The following NCKAP5 variants were observed in gnomAD, a reference collection of about 807,000 sequenced individuals.
NCKAP5 encodes nck-associated protein 5.
In NCKAP5, 92 loss-of-function variants were observed where a neutral mutation model predicts 167.0. The observed-to-expected ratio is 0.55, with a 90% CI of 0.47 to 0.66. NCKAP5 has a LOEUF of 0.66. Among genes scored for constraint, NCKAP5 ranks in the 30% least tolerant of loss-of-function variants. NCKAP5 has a pLI of 0.00. For missense variants in NCKAP5, 2,378 were observed against 2,315.0 expected, an observed-to-expected ratio of 1.03 and a Z score of -0.56; for synonymous variants, 891 against 877.4, an observed-to-expected ratio of 1.02 and a Z score of -0.27.
intron 3 of NCKAP5, among the ~76,000 whole-genome samples, chr2:133,464,446 T>TA (rs1264719998): frequency 2.1e-3 from 1 of 474 alleles, no homozygotes; most frequent in Non-Finnish European, 5.3e-3. Context: ...ATCCCAGCCC[T>TA]TTGGGGGCCA....
At chr2:133,005,263 G>A (rs940026382) in intron 6 of NCKAP5, among the ~76,000 whole-genome samples, 1 of 152,160 alleles carries the variant, frequency 6.6e-6, no homozygotes, top group African/African-American at 2.4e-5. Flanking sequence ...TTCAGAGATT[G>A]CCATAAAGAC....
intron 11 of NCKAP5, among the ~76,000 whole-genome samples, chr2:132,798,954 C>T (rs561780691): frequency 4.6e-5 from 7 of 152,292 alleles, no homozygotes; most frequent in African/African-American, 1.4e-4. Flanking sequence ...CAAGCACACA[C>T]ATGTTCATTG....
chr2:133,137,910 G>A (rs558642199), intron 5 of NCKAP5, among the ~76,000 whole-genome samples: 5 of 152,328 alleles, frequency 3.3e-5, no homozygotes, highest in Admixed American at 6.5e-5. Context: ...TATTCCTGAC[G>A]CAAGTCCTGC....
chr2:132,994,159 A>T lies in NCKAP5; in HGVS notation c.422T>A (p.Val141Asp). Reference protein sequence around the residue: ...QKKEETVNIMVYQEKLSEEER... With the variant: ...QKKEETVNIMDYQEKLSEEER... ...ATAATAAACATGGTGTACCTGATAG[A>T]CCATTATATTAACAGTTTCTTCTTT... The change falls in exon 7 of 20, where the codon GTC becomes GAC. Residue 141 changes from valine to aspartate, a missense_variant. Transcript: ENST00000409261. The T allele has an allele frequency of 6.4e-7, 1 of 1,570,870 alleles. No homozygotes were observed. Among genetic ancestry groups the T allele is most frequent in the South Asian group, 1.2e-5 (1 of 85,440 alleles).
chr2:133,262,709 AT>A (rs1324748219), intron 4 of NCKAP5, among the ~76,000 whole-genome samples: 1 of 152,198 alleles, frequency 6.6e-6, no homozygotes, highest in Non-Finnish European at 1.5e-5. Context: ...AACCACCCAC[AT>A]TCTTATTCAT....
At chr2:132,814,430 T>C (rs190983207) in intron 11 of NCKAP5, among the ~76,000 whole-genome samples, 256 of 152,344 alleles carry the variant, frequency 1.7e-3, no homozygotes, top group Admixed American at 3.9e-3. Flanking sequence ...GGGTAATATG[T>C]AAAACAGACA....
At chr2:133,167,799 T>C (rs1417611632) in intron 5 of NCKAP5, among the ~76,000 whole-genome samples, 1 of 152,188 alleles carries the variant, frequency 6.6e-6, no homozygotes, top group African/African-American at 2.4e-5. Flanking sequence ...GAAAATTCCA[T>C]TTTCTATAAA....
At position 132,731,978 on chromosome 2, in the gene NCKAP5, C is replaced by T. The variant is rs769951891; in HGVS notation, c.5202G>A (p.Ser1734=). 14 of 1,613,772 alleles carry T rather than the reference C, an allele frequency of 8.7e-6. No individual in the cohort carries two copies. Among genetic ancestry groups the T allele is most frequent in the Middle Eastern group, 3.3e-4 (2 of 6,062 alleles). The change falls in exon 17 of 20, where the codon TCG becomes TCA. Residue 1734 remains serine (S), a synonymous_variant. Transcript: ENST00000409261. ...TFPLPDSGNR[S]TGRYLCQPDS... ...CTGGCTGGCATAGGTAGCGTCCTGT[C>T]GAGCGATTTCCCGAGTCTGGGAGTG...
At chr2:133,635,769 AT>A in the NCKAP5 span, among the ~76,000 whole-genome samples, 1 of 152,224 alleles carries the variant, frequency 6.6e-6, no homozygotes, top group Admixed American at 6.5e-5. Context: ...GTAAAAACTT[AT>A]GATAGAGAGA....
At chr2:133,154,289 T>C (rs956526839) in intron 5 of NCKAP5, among the ~76,000 whole-genome samples, 2 of 152,248 alleles carry the variant, frequency 1.3e-5, no homozygotes, top group Admixed American at 6.5e-5. Flanking sequence ...GCTGTGATTA[T>C]GTAACTGTTT....
chr2:133,405,403 G>A (rs1400131030), intron 3 of NCKAP5, among the ~76,000 whole-genome samples: 1 of 152,118 alleles, frequency 6.6e-6, no homozygotes, highest in Non-Finnish European at 1.5e-5. Context: ...ACTACTCTTC[G>A]GGGCCATTTT....
intron 9 of NCKAP5, among the ~76,000 whole-genome samples, chr2:132,869,325 T>C (rs1053963450): frequency 6.6e-6 from 1 of 152,166 alleles, no homozygotes; most frequent in Non-Finnish European, 1.5e-5. Flanking sequence ...CTGTCCACAG[T>C]TTCTACACTT....
intron 3 of NCKAP5, among the ~76,000 whole-genome samples, chr2:133,342,950 C>A (rs1276003069): frequency 6.6e-6 from 1 of 152,206 alleles, no homozygotes; most frequent in Non-Finnish European, 1.5e-5. Flanking sequence ...ATGATTTCTA[C>A]AACTAGATGG....
At chr2:132,898,942 C>G (rs895505262) in intron 8 of NCKAP5, among the ~76,000 whole-genome samples, 1 of 152,122 alleles carries the variant, frequency 6.6e-6, no homozygotes, top group Non-Finnish European at 1.5e-5. Context: ...TTAAAGTCAC[C>G]AGCTGCATTA....
rs151327078 is a variant in NCKAP5, at chr2:133,085,543, CT to C, written c.341+44434del. ...GGGGGAAGTTAAAATGTTTTTCATA[CT>C]GTTAGAGTTTGAGGTAGCATAAAAA... On this transcript the variant is annotated intron_variant, in intron 6 of 19. Transcript: ENST00000409261. 1.4e-4 allele frequency among the ~76,000 whole-genome samples: 22 copies of C among 152,048 alleles called. No homozygotes were observed. In the East Asian group the frequency reaches 4.3e-3, roughly 29 times the overall value.
At chr2:133,457,060 T>G (rs1217277196) in intron 3 of NCKAP5, among the ~76,000 whole-genome samples, 1 of 152,046 alleles carries the variant, frequency 6.6e-6, no homozygotes, top group African/African-American at 2.4e-5. Context: ...GGTCCTTAAG[T>G]CAGGACAAGG....
chr2:133,525,069 A>G (rs903156380), intron 2 of NCKAP5, among the ~76,000 whole-genome samples: 1 of 152,212 alleles, frequency 6.6e-6, no homozygotes, highest in Non-Finnish European at 1.5e-5. Flanking sequence ...GAGTATAAAA[A>G]CATGCCAAAT....
chr2:132,985,059 G>A (rs945127974), intron 7 of NCKAP5, among the ~76,000 whole-genome samples: 4 of 151,638 alleles, frequency 2.6e-5, no homozygotes, highest in South Asian at 2.1e-4. Flanking sequence ...GGGAAACAGC[G>A]GGTACATACA....
intron 7 of NCKAP5, among the ~76,000 whole-genome samples, chr2:132,987,774 A>G (rs2077330144): frequency 6.6e-6 from 1 of 152,164 alleles, no homozygotes; most frequent in Non-Finnish European, 1.5e-5. Context: ...ATGACTCACC[A>G]AGCACTCCAT....
Sources: gnomAD v4.1 joint callset for allele counts (sites outside exome capture counted in the v4.1 genomes callset) on GRCh38, gnomAD v4.1.1 for gene constraint, MANE v1.5 for transcripts, NCBI Gene and HGNC (gene_info 2026-07-23, HGNC 2026-07-21) for gene names.